The following DGKH variants were observed in gnomAD, a reference collection of about 807,000 sequenced individuals.
The protein encoded by DGKH is DAG kinase eta.
DGKH carries 90 observed loss-of-function variants against 159.3 expected under a neutral mutation model. The observed-to-expected ratio is 0.57, with a 90% CI of 0.48 to 0.67. DGKH has a LOEUF of 0.67. Among genes scored for constraint, DGKH ranks in the 30% least tolerant of loss-of-function variants. The pLI is 0.00. For missense variants in DGKH, 1,181 were observed against 1,506.1 expected (o/e 0.78, Z 3.57); for synonymous variants, 536 against 553.8 (o/e 0.97, Z 0.45).
chr13:42,169,182 C>G (rs1182373270), intron 11 of DGKH, among the ~76,000 whole-genome samples: 2 of 152,198 alleles, frequency 1.3e-5, no homozygotes, highest in African/African-American at 4.8e-5. Flanking sequence ...TAGGTAGTCT[C>G]CTGTCATTGT....
At chr13:42,198,391 G>A (rs1957256684) in intron 17 of DGKH, 87 bp from the exon 18 acceptor site, 2 of 1,129,556 alleles carry the variant, frequency 1.8e-6, no homozygotes, top group African/African-American at 3.1e-5. Flanking sequence ...TTAAAAGTAA[G>A]ATATTTGATA....
chr13:42,177,093 G>A (rs547569087), intron 12 of DGKH, among the ~76,000 whole-genome samples: 3 of 152,250 alleles, frequency 2.0e-5, no homozygotes, highest in African/African-American at 7.2e-5. Context: ...GGTCATAAAT[G>A]TATAGCTTGG....
intron 29 of DGKH, among the ~76,000 whole-genome samples, chr13:42,250,802 C>G (rs971552424): frequency 1.3e-5 from 2 of 152,152 alleles, no homozygotes; most frequent in Non-Finnish European, 2.9e-5. Flanking sequence ...GCATAAATGT[C>G]TAGAAGCTCA....
chr13:42,254,271 G>C (rs1211150695), intron 30 of DGKH, among the ~76,000 whole-genome samples: 1 of 152,206 alleles, frequency 6.6e-6, no homozygotes, highest in Non-Finnish European at 1.5e-5. Flanking sequence ...AATGCCAGAT[G>C]ATAGGGACAT....
chr13:42,148,655 A>G (rs1482438877), intron 3 of DGKH, among the ~76,000 whole-genome samples: 1 of 152,154 alleles, frequency 6.6e-6, no homozygotes, highest in Non-Finnish European at 1.5e-5. Context: ...AAACCCCTTT[A>G]GTAACCGTGC....
At chr13:42,158,689 G>T (rs1467153790) in intron 5 of DGKH, among the ~76,000 whole-genome samples, 1 of 152,032 alleles carries the variant, frequency 6.6e-6, no homozygotes, top group African/African-American at 2.4e-5. Flanking sequence ...CAAAGATAGG[G>T]CCGTGTTGGT....
intron 12 of DGKH, among the ~76,000 whole-genome samples, chr13:42,176,661 G>A (rs1308161719): frequency 6.6e-6 from 1 of 152,284 alleles, no homozygotes; most frequent in East Asian, 1.9e-4. Flanking sequence ...TTGTGGGGAA[G>A]GCTTATTCAG....
chr13:42,088,750 G>A (rs1002286460), intron 1 of DGKH, among the ~76,000 whole-genome samples: 1 of 152,054 alleles, frequency 6.6e-6, no homozygotes, highest in African/African-American at 2.4e-5. Context: ...CAGCAAAATT[G>A]TAGATTTAAA....
intron 5 of DGKH, 151 bp downstream of exon 5, chr13:42,155,950 TA>T (rs1804800632): frequency 2.2e-6 from 2 of 908,838 alleles, no homozygotes; most frequent in Non-Finnish European, 3.2e-6. Context: ...CATAGTCATT[TA>T]AAGGAAACAT....
upstream of DGKH, chr13:42,043,723 T>C (rs937227120): frequency 1.3e-5 from 2 of 152,230 alleles, no homozygotes; most frequent in African/African-American, 2.4e-5. Context: ...CTGAACAATA[T>C]TGAATACGCT....
chr13:42,124,287 C>A (rs1228036912), intron 1 of DGKH, among the ~76,000 whole-genome samples: 4 of 133,966 alleles, frequency 3.0e-5, no homozygotes, highest in African/African-American at 9.0e-5. Flanking sequence ...TACTATAACA[C>A]TCTCAGCCTC....
At position 42,141,749 on chromosome 13, in the gene DGKH, T is replaced by A. The variant is rs1955568107; in HGVS notation, c.384+12117T>A. ...TTCACCTACTTTTTGATGGGGTGTT[T>A]GTTTTTTTCTTGTAAGTTTGTTGGA... On this transcript the variant is annotated intron_variant, in intron 3 of 29. Transcript: ENST00000337343. Among the ~76,000 whole-genome samples, 4 of 152,372 alleles carry A rather than the reference T, an allele frequency of 2.6e-5. No homozygotes were observed. The South Asian group carries it at 6.2e-4, about 24-fold the overall frequency.
intron 20 of DGKH, among the ~76,000 whole-genome samples, chr13:42,203,364 A>C (rs1049837440): frequency 6.6e-6 from 1 of 152,226 alleles, no homozygotes; most frequent in Non-Finnish European, 1.5e-5. Context: ...ACAATTTGTA[A>C]TTATAACTGA....
At chr13:42,217,267 T>C (rs1957824134) in intron 26 of DGKH, among the ~76,000 whole-genome samples, 1 of 152,208 alleles carries the variant, frequency 6.6e-6, no homozygotes, top group African/African-American at 2.4e-5. Flanking sequence ...ATCTCCTTTT[T>C]TTTTGAGACA....
chr13:42,145,680 C>T (rs1327145437), intron 3 of DGKH, among the ~76,000 whole-genome samples: 2 of 152,202 alleles, frequency 1.3e-5, no homozygotes, highest in East Asian at 3.8e-4. Flanking sequence ...GATCCAAACA[C>T]CAGGCAATGC....
intron 3 of DGKH, among the ~76,000 whole-genome samples, chr13:42,141,399 C>A (rs1955556438): frequency 6.6e-6 from 1 of 152,080 alleles, no homozygotes; most frequent in South Asian, 2.1e-4. Flanking sequence ...GATTTATAGT[C>A]CTTTGGGTAT....
intron 21 of DGKH, among the ~76,000 whole-genome samples, chr13:42,207,837 G>T (rs545822924): frequency 1.3e-3 from 194 of 151,782 alleles, no homozygotes; most frequent in African/African-American, 4.5e-3. Flanking sequence ...ATCTTAAATG[G>T]ACAGATAGGG....
intron 1 of DGKH, among the ~76,000 whole-genome samples, chr13:42,126,638 T>C (rs1016008430): frequency 1.3e-5 from 2 of 152,210 alleles, no homozygotes; most frequent in Admixed American, 1.3e-4. Context: ...CATCTCCCTC[T>C]GCTCCCTCTT....
chr13:42,079,104 C>T (rs530017858), intron 1 of DGKH, among the ~76,000 whole-genome samples: 17 of 151,522 alleles, frequency 1.1e-4, no homozygotes, highest in African/African-American at 4.1e-4. Context: ...TTAGTAGAGA[C>T]GGGGTTTTGC....
Sources: allele counts gnomAD v4.1 joint callset (sites outside exome capture counted in the v4.1 genomes callset), GRCh38; gene constraint gnomAD v4.1.1; transcripts MANE v1.5; gene names NCBI Gene and HGNC (gene_info 2026-07-23, HGNC 2026-07-21).